Variants in SCOC observed in about 807,000 individuals in gnomAD.
SCOC encodes the protein short coiled coil protein.
Under a neutral mutation model 9.9 loss-of-function variants are expected in SCOC, and 7 were observed. The ratio of observed to expected loss-of-function variants is 0.71; its 90% CI spans 0.40 to 1.33. SCOC has a LOEUF of 1.33. Among genes scored for constraint, SCOC ranks in the 40% most tolerant of loss-of-function variants. SCOC has a pLI of 0.01. For synonymous variants in SCOC, 19 were observed against 28.2 expected, an observed-to-expected ratio of 0.67 and a Z score of 1.03; for missense variants, 66 against 89.7, an observed-to-expected ratio of 0.74 and a Z score of 1.07.
intron 2 of SCOC, among the ~76,000 whole-genome samples, chr4:140,354,103 G>A (rs1240066330): frequency 2.0e-5 from 3 of 152,132 alleles, no homozygotes; most frequent in South Asian, 2.1e-4. Flanking sequence ...CAGACAAAAG[G>A]CTCTACTATT....
chr4:140,271,396 A>G (rs557958993), intron 1 of SCOC, among the ~76,000 whole-genome samples: 2 of 152,378 alleles, frequency 1.3e-5, no homozygotes, highest in Non-Finnish European at 2.9e-5. Context: ...AAAGTAGATT[A>G]GGAGGAGACA....
At chr4:140,284,487 C>A (rs1731174445) in intron 1 of SCOC, 1 of 152,166 alleles carries the variant, frequency 6.6e-6, no homozygotes, top group Non-Finnish European at 1.5e-5. Context: ...TTAAGTGGTC[C>A]AATTTTTGCC....
chr4:140,303,803 C>A (rs920610235), intron 1 of SCOC, among the ~76,000 whole-genome samples: 12 of 152,322 alleles, frequency 7.9e-5, no homozygotes, highest in African/African-American at 2.6e-4. Context: ...CTTAGAATTG[C>A]TCTGATGTGG....
intron 2 of SCOC, among the ~76,000 whole-genome samples, chr4:140,352,671 C>T (rs1212172287): frequency 5.9e-5 from 9 of 152,192 alleles, no homozygotes; most frequent in Admixed American, 1.3e-4. Flanking sequence ...GGCATGTTAG[C>T]GCAGTATCTA....
intron 2 of SCOC, among the ~76,000 whole-genome samples, chr4:140,346,287 T>C (rs1726735752): frequency 6.6e-6 from 1 of 152,304 alleles, no homozygotes; most frequent in Non-Finnish European, 1.5e-5. Context: ...CCTTGGTGAT[T>C]GTCCAGAAAG....
intron 1 of SCOC, among the ~76,000 whole-genome samples, chr4:140,263,853 TAGAAAG>T (rs1488194972): frequency 6.6e-6 from 1 of 152,152 alleles, no homozygotes; most frequent in Non-Finnish European, 1.5e-5. Flanking sequence ...TTTTCATGCT[TAGAAAG>T]AGAAACAGGA....
chr4:140,373,509 T>G, upstream of SCOC: 1 of 1,551,686 alleles, frequency 6.4e-7, no homozygotes, highest in East Asian at 2.4e-5. Flanking sequence ...GCTTTGAGAT[T>G]GGACGACTGG....
chr4:140,344,316 G>GGT (rs1726625296), intron 2 of SCOC, among the ~76,000 whole-genome samples: 1 of 152,012 alleles, frequency 6.6e-6, no homozygotes, highest in African/African-American at 2.4e-5. Context: ...CAAGTCCTTG[G>GGT]GTGTGTGTGG....
chr4:140,344,565 A>G (rs1726639427), intron 2 of SCOC, among the ~76,000 whole-genome samples: 1 of 152,176 alleles, frequency 6.6e-6, no homozygotes, highest in Non-Finnish European at 1.5e-5. Flanking sequence ...ATTAACACAA[A>G]CCACCAGCCA....
At chr4:140,357,121 C>T (rs1054018350) in intron 2 of SCOC, among the ~76,000 whole-genome samples, 4 of 152,080 alleles carry the variant, frequency 2.6e-5, no homozygotes, top group African/African-American at 4.8e-5. Flanking sequence ...AGGAGCCTGC[C>T]TCCAAACCTG....
upstream of SCOC, among the ~76,000 whole-genome samples, chr4:140,340,041 G>A (rs1018215662): frequency 6.6e-6 from 1 of 152,150 alleles, no homozygotes; most frequent in African/African-American, 2.4e-5. Flanking sequence ...GTAAAGACTT[G>A]GAACCAACCC....
chr4:140,326,149 C>G (rs1732638038), intron 1 of SCOC, among the ~76,000 whole-genome samples: 2 of 152,058 alleles, frequency 1.3e-5, no homozygotes. Flanking sequence ...GAAAACAGGT[C>G]AGTGGTTCAG....
intron 1 of SCOC, among the ~76,000 whole-genome samples, chr4:140,378,239 T>C (rs1471393690): frequency 6.6e-6 from 1 of 152,132 alleles, no homozygotes; most frequent in Non-Finnish European, 1.5e-5. Context: ...TGAATTTTAT[T>C]TGTAAAAAAT....
chr4:140,319,921 A>C (rs1732450285), intron 1 of SCOC, among the ~76,000 whole-genome samples: 1 of 152,212 alleles, frequency 6.6e-6, no homozygotes, highest in African/African-American at 2.4e-5. Context: ...CAAATGCATA[A>C]AAAACTGGTA....
intron 1 of SCOC, among the ~76,000 whole-genome samples, chr4:140,273,860 A>C (rs1286552246): frequency 6.6e-6 from 1 of 152,264 alleles, no homozygotes; most frequent in Non-Finnish European, 1.5e-5. Flanking sequence ...AAAGTGTAAC[A>C]GTTTAAAGCT....
chr4:140,353,645 G>A lies in SCOC; in HGVS notation c.70+9937G>A, dbSNP rs556094754. On this transcript the variant is annotated intron_variant, in intron 2 of 4. Transcript: ENST00000338517. ...GATCTCTTGACCTCATGATCTGCCC[G>A]CCTTGGCCTCCCAAAGTGCTGCGAT... Among the ~76,000 whole-genome samples, 14 of 152,148 alleles carry A rather than the reference G, an allele frequency of 9.2e-5. No homozygotes were observed. The South Asian group carries it at 2.5e-3, about 27-fold the overall frequency.
At chr4:140,359,622 A>C (rs1315105797) in intron 2 of SCOC, among the ~76,000 whole-genome samples, 1 of 152,176 alleles carries the variant, frequency 6.6e-6, no homozygotes, top group Non-Finnish European at 1.5e-5. Flanking sequence ...GACACAGATT[A>C]TTTATATCCT....
At chr4:140,306,208 T>C (rs1256024958) in intron 1 of SCOC, among the ~76,000 whole-genome samples, 1 of 152,044 alleles carries the variant, frequency 6.6e-6, no homozygotes, top group Admixed American at 6.6e-5. Flanking sequence ...CAAGAGAGCT[T>C]GTGTAGGGGA....
At chr4:140,285,306 A>C (rs1261255929) in intron 1 of SCOC, 3 of 456,372 alleles carry the variant, frequency 6.6e-6, no homozygotes, top group Non-Finnish European at 1.3e-5. Context: ...AATTTAGATG[A>C]TAGGAGGAAA....
Sources: allele counts gnomAD v4.1 joint callset (sites outside exome capture counted in the v4.1 genomes callset), GRCh38; gene constraint gnomAD v4.1.1; transcripts MANE v1.5; gene names NCBI Gene and HGNC (gene_info 2026-07-23, HGNC 2026-07-21).